Variants in MUC22 observed in about 807,000 individuals in gnomAD.
The protein encoded by MUC22 is mucin-22.
Under a neutral mutation model 40.3 loss-of-function variants are expected in MUC22, and 24 were observed. That is an observed-to-expected ratio of 0.60 (90% CI 0.43 to 0.84). The LOEUF is 0.84. MUC22 is among the 40% of genes least tolerant of loss of function. MUC22 has a pLI of 0.00. For missense variants in MUC22, 1,926 were observed against 2,130.7 expected, an observed-to-expected ratio of 0.90 and a Z score of 1.89; for synonymous variants, 765 against 844.5, an observed-to-expected ratio of 0.91 and a Z score of 1.63.
rs998738967 is a variant in MUC22, at chr6:31,027,165, C to A, written c.1734C>A (p.Val578=). Reference sequence around the variant, plus strand: ...CTGCAAGCTCTGAGGTGACCACAGTCTTTGCTGCAGGCTCTGAGACAATCA... The same window carrying A: ...CTGCAAGCTCTGAGGTGACCACAGTATTTGCTGCAGGCTCTGAGACAATCA... Residue 578 remains valine, a synonymous_variant, in exon 2 of 4, where the codon GTC becomes GTA. Coordinates refer to ENST00000561890, the Ensembl canonical transcript of MUC22. 1.5e-5 allele frequency: 23 copies of A among 1,491,522 alleles called. 1 individual carries two copies. In the African/African-American group the frequency reaches 2.8e-4, roughly 18 times the overall value. 92.4% of individuals were successfully genotyped at this position (1,491,522 alleles called of 1,614,324 possible).
chr6:31,025,695 C>T, exon 2 of MUC22: 1 of 1,530,824 alleles, frequency 6.5e-7, no homozygotes, highest in Non-Finnish European at 8.7e-7. Flanking sequence ...CAGCCTTCAC[C>T]ACAGGCTCTG....
chr6:31,033,959 C>T (rs1766264134), intron 3 of MUC22, among the ~76,000 whole-genome samples: 1 of 152,156 alleles, frequency 6.6e-6, no homozygotes, highest in African/African-American at 2.4e-5. Context: ...AGAATTACTC[C>T]CTAAATTACT....
At chr6:31,025,585 ACCATGGCCT>A (rs1562599280) in exon 2 of MUC22, 1 of 1,524,032 alleles carries the variant, frequency 6.6e-7, no homozygotes, top group Admixed American at 2.0e-5. Context: ...CATGGCCTCC[ACCATGGCCT>A]CTACTTCGGC....
chr6:31,007,847 C>A (rs1763611770), upstream of MUC22, among the ~76,000 whole-genome samples: 2 of 152,196 alleles, frequency 1.3e-5, no homozygotes, highest in Non-Finnish European at 1.5e-5. This position sits in a 1 kb window ranked among gnomAD's most constrained non-coding sequence, Gnocchi z 4.0. Flanking sequence ...GACTCAGACT[C>A]TCCAAGGAGG....
chr6:31,016,712 C>A (rs112533723), intron 1 of MUC22, among the ~76,000 whole-genome samples: 3,739 of 152,358 alleles, frequency 0.025, 153 homozygotes, highest in African/African-American at 0.084. Flanking sequence ...GGCCCTTCAG[C>A]CCCCCGCTGC....
chr6:31,020,729 T>C (rs9262503), intron 1 of MUC22, among the ~76,000 whole-genome samples: 58,309 of 151,592 alleles, frequency 0.38, 11,435 homozygotes, highest in East Asian at 0.47. Flanking sequence ...GAGGGAGAGG[T>C]GCGAGCGGGA....
intron 1 of MUC22, among the ~76,000 whole-genome samples, chr6:31,013,909 TCTTC>T (rs2150745521): frequency 6.6e-6 from 1 of 152,334 alleles, no homozygotes; most frequent in East Asian, 1.9e-4. Flanking sequence ...TGATTTATTG[TCTTC>T]CTTCTAATGA....
At chr6:31,024,708 G>T (rs1765129871) in intron 1 of MUC22, among the ~76,000 whole-genome samples, 2 of 152,122 alleles carry the variant, frequency 1.3e-5, no homozygotes, top group African/African-American at 4.8e-5. Flanking sequence ...GTTAGAAAAG[G>T]TCTCTCTACC....
intron 1 of MUC22, among the ~76,000 whole-genome samples, chr6:31,016,000 C>G (rs775868149): frequency 4.0e-5 from 6 of 151,010 alleles, no homozygotes; most frequent in Non-Finnish European, 5.9e-5. Flanking sequence ...CCAACTCTGT[C>G]GTTTTATTTT....
chr6:31,015,863 AT>A (rs28994678), intron 1 of MUC22, among the ~76,000 whole-genome samples: 2 of 151,844 alleles, frequency 1.3e-5, no homozygotes, highest in Non-Finnish European at 2.9e-5. Context: ...ATTTTATTGC[AT>A]TTTTTTCTTT....
chr6:31,032,592 A>C lies in MUC22; in HGVS notation c.5055+11A>C. 1 of 1,527,518 alleles carries C rather than the reference A, an allele frequency of 6.5e-7. No individual in the cohort carries two copies. The highest frequency in any genetic ancestry group is 8.8e-7 in the Non-Finnish European group (1 of 1,142,100). The allele number at this position is 1,527,518 out of a possible 1,614,324, so 94.6% of individuals were successfully genotyped here. On this transcript the variant is annotated intron_variant, in intron 3 of 3. Coordinates refer to ENST00000561890, the Ensembl canonical transcript of MUC22. This position sits in a 1 kb window ranked among gnomAD's most constrained non-coding sequence, Gnocchi z 4.1. ...CTGAGTTTTTGTCTGGTGAGTACCC[A>C]GGGTGGGTTCATAGGGGAGCCTGGC...
exon 4 of MUC22, chr6:31,034,798 G>A: frequency 2.0e-6 from 3 of 1,535,728 alleles, no homozygotes; most frequent in Non-Finnish European, 2.6e-6. Context: ...AAATGCACTG[G>A]TTCATGGAGG....
At position 31,032,159 on chromosome 6, in the gene MUC22, G is replaced by T; in HGVS notation, c.4670-37G>T. ...CCCCCATTCCCCTTTAATCATCTCTGCTACAAATGCATCATCTTGTGTGAC... is the reference window on the plus strand; with the variant it reads ...CCCCCATTCCCCTTTAATCATCTCTTCTACAAATGCATCATCTTGTGTGAC... On this transcript the variant is annotated intron_variant, in intron 2 of 3. Coordinates refer to ENST00000561890, the Ensembl canonical transcript of MUC22. This position sits in a 1 kb window ranked among gnomAD's most constrained non-coding sequence, Gnocchi z 4.1. 2 of 1,505,752 alleles carry T rather than the reference G, an allele frequency of 1.3e-6. No individual in the cohort carries two copies. Among genetic ancestry groups the T allele is most frequent in the Non-Finnish European group, 8.8e-7 (1 of 1,132,276 alleles). The allele number at this position is 1,505,752 out of a possible 1,614,324, so 93.3% of individuals were successfully genotyped here. A position where few individuals can be genotyped will look rare whatever the true frequency, so the allele number is the denominator to read the frequency against.
intron 1 of MUC22, among the ~76,000 whole-genome samples, chr6:31,023,688 T>C (rs1480028598): frequency 6.6e-6 from 1 of 152,116 alleles, no homozygotes; most frequent in African/African-American, 2.4e-5. Context: ...ACATTTTAAC[T>C]AACTATAACT....
chr6:31,017,004 C>A (rs1764262091), intron 1 of MUC22, among the ~76,000 whole-genome samples: 1 of 152,230 alleles, frequency 6.6e-6, no homozygotes, highest in Non-Finnish European at 1.5e-5. Context: ...TGCTGCGCTC[C>A]AATTCTCGCC....
chr6:31,032,711 C>A lies in MUC22; in HGVS notation c.5055+130C>A. The A allele has an allele frequency of 1.0e-6, 1 of 1,000,788 alleles. No homozygotes were observed. The highest frequency in any genetic ancestry group is 1.4e-6 in the Non-Finnish European group (1 of 700,930). 62.0% of individuals were successfully genotyped at this position (1,000,788 alleles called of 1,614,324 possible). ...GGTGCGCTCAGAAGGAAAGAATCAC[C>A]TAGCCTGATATAAGGACCAGAGAGA... On this transcript the variant is annotated intron_variant, in intron 3 of 3. Coordinates refer to ENST00000561890, the Ensembl canonical transcript of MUC22. The surrounding 1 kb of genome is among the most constrained non-coding windows in gnomAD (Gnocchi z 4.1).
intron 1 of MUC22, among the ~76,000 whole-genome samples, chr6:31,022,118 C>G (rs919490981): frequency 6.6e-6 from 1 of 152,108 alleles, no homozygotes; most frequent in Non-Finnish European, 1.5e-5. Flanking sequence ...GGAAGAAACT[C>G]CGAACACATC....
Position 31,032,212 on chromosome 6 carries a change from A to C in MUC22, c.4686A>C (p.Gly1562=). 1 of 1,534,730 alleles carries C rather than the reference A, an allele frequency of 6.5e-7. No individual in the cohort carries two copies. ...GTTTCATAGGCACCAGAACCACTGG[A>C]ACCAGACTCACTGCCTCCAGCTCTG... The change falls in exon 3 of 4, where the codon GGA becomes GGC. Residue 1562 remains glycine, a synonymous_variant. Coordinates refer to ENST00000561890, the Ensembl canonical transcript of MUC22. The surrounding 1 kb of genome is among the most constrained non-coding windows in gnomAD (Gnocchi z 4.1).
chr6:31,021,526 G>C (rs1296212574), intron 1 of MUC22, among the ~76,000 whole-genome samples: 2 of 149,036 alleles, frequency 1.3e-5, no homozygotes, highest in South Asian at 2.1e-4. Context: ...TACACCAATC[G>C]GCACTCTGTA....
Sources: gnomAD v4.1 joint callset for allele counts (sites outside exome capture counted in the v4.1 genomes callset) on GRCh38, gnomAD v4.1.1 for gene constraint, Gnocchi (gnomAD v3.1) non-coding constraint, MANE v1.5 for transcripts, NCBI Gene and HGNC (gene_info 2026-07-23, HGNC 2026-07-21) for gene names.